The following KDM6A variants were observed in gnomAD, a reference collection of about 807,000 sequenced individuals.
KDM6A encodes the protein lysine-specific demethylase 6A.
In KDM6A, 11 loss-of-function variants were observed where a neutral mutation model predicts 117.6. The observed-to-expected ratio is 0.09, with a 90% CI of 0.06 to 0.15. KDM6A has a LOEUF of 0.15. Among genes scored for constraint, KDM6A ranks in the 10% least tolerant of loss-of-function variants. The probability of loss-of-function intolerance (pLI) is 1.00; values close to 1 mark genes in which losing one functional copy is unlikely to be tolerated. For synonymous variants in KDM6A, 384 were observed against 396.1 expected (o/e 0.97, Z 0.36); for missense variants, 799 against 1,077.3 (o/e 0.74, Z 3.62).
chrX:44,991,357 C>T (rs1466734075), intron 4 of KDM6A, among the ~76,000 whole-genome samples: 1 of 108,597 alleles, frequency 9.2e-6, no homozygotes, highest in South Asian at 4.0e-4. Context: ...TTCTCTTTCT[C>T]TCTTTTTCTC....
intron 27 of KDM6A, among the ~76,000 whole-genome samples, chrX:45,092,327 G>A (rs1338817272): frequency 1.8e-5 from 2 of 111,193 alleles, no homozygotes; most frequent in African/African-American, 6.5e-5. Flanking sequence ...GAGTAGATTA[G>A]GATTTTATAA....
intron 4 of KDM6A, among the ~76,000 whole-genome samples, chrX:45,009,535 A>C (rs1273166467): frequency 9.0e-6 from 1 of 111,424 alleles, no homozygotes; most frequent in Non-Finnish European, 1.9e-5. Context: ...AAGAATGCCT[A>C]ACCTCCTGGG....
At chrX:45,105,901 G>A (rs1407102478) in intron 27 of KDM6A, among the ~76,000 whole-genome samples, 1 of 112,251 alleles carries the variant, frequency 8.9e-6, no homozygotes, top group African/African-American at 3.2e-5. Context: ...CATAGGAGCA[G>A]GAACACTACT....
At chrX:45,037,530 T>C in intron 7 of KDM6A, 125 bp from the exon 8 acceptor site, 1 of 510,136 alleles carries the variant, frequency 2.0e-6, no homozygotes, top group Non-Finnish European at 3.3e-6. Context: ...AGTTATGTTT[T>C]TCTATTACTT....
intron 2 of KDM6A, among the ~76,000 whole-genome samples, chrX:44,916,654 T>C (rs1184121837): frequency 1.8e-5 from 2 of 110,686 alleles, no homozygotes; most frequent in Non-Finnish European, 3.8e-5. Flanking sequence ...AAAAAATTAT[T>C]TTTTTTATTT....
rs1490069217 is a variant in KDM6A at position 44,873,367 on chromosome X, C to CCTGCCG, written c.-183_-178dup. 16 of 596,936 alleles carry CCTGCCG rather than the reference C, an allele frequency of 2.7e-5. No individual in the cohort carries two copies. The East Asian group carries it at 6.0e-4, about 22-fold the overall frequency. 49.2% of individuals were successfully genotyped at this position (596,936 alleles called of 1,213,427 possible). A position where few individuals can be genotyped will look rare whatever the true frequency, so the allele number is the denominator to read the frequency against. On this transcript the variant is annotated 5_prime_UTR_variant, in exon 1 of 30. Coordinates refer to ENST00000611820, the MANE Select transcript of KDM6A (RefSeq NM_001291415.2). Reference sequence around the variant, plus strand: ...CTGCCGACCCGGGGGCTCCGCAGCCCCTGCCGCCGCCGCCGCCGCCTTCAC... The same window carrying CCTGCCG: ...CTGCCGACCCGGGGGCTCCGCAGCCCCTGCCGCTGCCGCCGCCGCCGCCGCCTTCAC...
At chrX:45,039,074 A>G (rs1475950109) in intron 8 of KDM6A, among the ~76,000 whole-genome samples, 5 of 111,461 alleles carry the variant, frequency 4.5e-5, no homozygotes, top group Non-Finnish European at 9.4e-5. Context: ...GAGATCATTT[A>G]TGCTGGTGGT....
rs187178892 is a variant in KDM6A at position 45,042,763 on chromosome X, A to G, written c.654+5074A>G. Among the ~76,000 whole-genome samples the G allele has an allele frequency of 2.2e-3, 236 of 105,458 alleles. 2 individuals carry two copies. Among genetic ancestry groups the G allele is most frequent in the African/African-American group, 7.9e-3 (201 of 25,594 alleles). 91.6% of individuals were successfully genotyped at this position (105,458 alleles called of 115,157 possible). On this transcript the variant is annotated intron_variant, in intron 8 of 29. Transcript: ENST00000611820. ...AAGAAGTTTCCCCACTTCTCTACATAGGAAGAAGTTTCCCCACTTCTCTAC... is the reference window on the plus strand; with the variant it reads ...AAGAAGTTTCCCCACTTCTCTACATGGGAAGAAGTTTCCCCACTTCTCTAC...
intron 21 of KDM6A, among the ~76,000 whole-genome samples, chrX:45,079,934 T>A (rs1444960758): frequency 8.9e-6 from 1 of 112,360 alleles, no homozygotes; most frequent in Non-Finnish European, 1.9e-5. Flanking sequence ...TCTAGTGAAA[T>A]GTCTCATTTC....
chrX:44,928,570 AT>A (rs2036436791), intron 2 of KDM6A, among the ~76,000 whole-genome samples: 1 of 112,373 alleles, frequency 8.9e-6, no homozygotes, highest in Admixed American at 9.4e-5. Flanking sequence ...GCTATTGAAC[AT>A]TGTTTACATT....
chrX:44,932,257 G>C (rs1355286721), intron 2 of KDM6A, among the ~76,000 whole-genome samples: 1 of 106,190 alleles, frequency 9.4e-6, no homozygotes, highest in Non-Finnish European at 1.9e-5. Flanking sequence ...ACCACACCTG[G>C]ATAATTTTTG....
chrX:45,092,587 G>A (rs1477784334), intron 27 of KDM6A, among the ~76,000 whole-genome samples: 2 of 111,822 alleles, frequency 1.8e-5, no homozygotes, highest in Admixed American at 9.5e-5. Flanking sequence ...GCCAGACACT[G>A]TTCTAGGCAC....
intron 2 of KDM6A, among the ~76,000 whole-genome samples, chrX:44,879,048 G>A (rs2031983570): frequency 9.0e-6 from 1 of 111,703 alleles, no homozygotes; most frequent in Admixed American, 9.6e-5. Context: ...AAGAAAAACT[G>A]CCTGAGAGAT....
intron 2 of KDM6A, among the ~76,000 whole-genome samples, chrX:44,914,261 G>A (rs944450792): frequency 1.8e-5 from 2 of 112,072 alleles, no homozygotes; most frequent in Non-Finnish European, 3.8e-5. Context: ...GGGTCAGCAC[G>A]CCTATCTGCC....
intron 2 of KDM6A, among the ~76,000 whole-genome samples, chrX:44,893,697 G>A (rs769651586): frequency 9.1e-6 from 1 of 109,690 alleles, no homozygotes; most frequent in South Asian, 3.9e-4. Context: ...TTTTAGTAGA[G>A]ACGGGGTTTC....
In KDM6A at chrX:44,886,701, G is replaced by T. The variant is rs756412202; in HGVS notation, c.225+12714G>T. ...AGACAGGGTTTCACCATGTTGGCCA[G>T]GCTGGTCTTGAACTCCTGACCTCAG... is the stretch of plus-strand genomic sequence containing the variant. On this transcript the variant is annotated intron_variant, in intron 2 of 29. Transcript: ENST00000611820. 2.8e-5 allele frequency among the ~76,000 whole-genome samples: 3 copies of T among 108,464 alleles called. No individual in the cohort carries two copies. The South Asian group carries it at 1.2e-3, about 44-fold the overall frequency. The allele number at this position is 108,464 out of a possible 115,157, so 94.2% of individuals were successfully genotyped here.
Position 45,112,755 on chromosome X carries a change from TTAAG to T in KDM6A, c.*1345_*1348del, listed in dbSNP as rs1189385771. Among the ~76,000 whole-genome samples the T allele has an allele frequency of 9.0e-6, 1 of 111,179 alleles. No homozygotes were observed. The highest frequency in any genetic ancestry group is 1.9e-5 in the Non-Finnish European group (1 of 52,952). On this transcript the variant is annotated 3_prime_UTR_variant, in exon 30 of 30. Transcript: ENST00000611820. ...GGCTCTATTTTAGAATGCAAATAAATTAAGAGACTTATTTTTTAATGTTAGGCAG... is the reference window on the plus strand; with the variant it reads ...GGCTCTATTTTAGAATGCAAATAAATAGACTTATTTTTTAATGTTAGGCAG...
intron 2 of KDM6A, among the ~76,000 whole-genome samples, chrX:44,903,284 CTT>C (rs919171056): frequency 2.7e-4 from 30 of 111,960 alleles, no homozygotes; most frequent in African/African-American, 9.7e-4. Context: ...CCTTTCAACA[CTT>C]TTACCACGTC....
intron 2 of KDM6A, among the ~76,000 whole-genome samples, chrX:44,954,475 T>C (rs2038204118): frequency 8.9e-6 from 1 of 112,226 alleles, no homozygotes; most frequent in Admixed American, 9.5e-5. Context: ...CTTTTCTTGA[T>C]ATTGTCTGGA....
Sources: gnomAD v4.1 joint callset for allele counts (sites outside exome capture counted in the v4.1 genomes callset) on GRCh38, gnomAD v4.1.1 for gene constraint, MANE v1.5 for transcripts, NCBI Gene and HGNC (gene_info 2026-07-23, HGNC 2026-07-21) for gene names.